PLEKHA5: variants seen among roughly 807,000 people sequenced by gnomAD.
The protein encoded by PLEKHA5 is pleckstrin homology domain containing A5.
Under a neutral mutation model 181.9 loss-of-function variants are expected in PLEKHA5, and 55 were observed. The observed-to-expected ratio is 0.30, with a 90% CI of 0.24 to 0.38. PLEKHA5 has a LOEUF of 0.38. PLEKHA5 is among the 10% of genes least tolerant of loss of function. The pLI is 1.00. For synonymous variants in PLEKHA5, 535 were observed against 529.4 expected (o/e 1.01, Z -0.15); for missense variants, 1,432 against 1,549.5 (o/e 0.92, Z 1.27).
Position 19,358,348 on chromosome 12 carries a change from A to G in PLEKHA5, c.3259A>G (p.Lys1087Glu). 1 of 1,613,666 alleles carries G rather than the reference A, an allele frequency of 6.2e-7. No homozygotes were observed. Among genetic ancestry groups the G allele is most frequent in the Non-Finnish European group, 8.5e-7 (1 of 1,179,608 alleles). Residue 1087 changes from lysine to glutamate, a missense_variant, in exon 27 of 32, where the codon AAA (lysine) becomes GAA (glutamate). Lys to Glu is a moderately conservative substitution (Grantham distance 56). Transcript: ENST00000429027. The stretch of plus-strand genomic sequence containing the variant: ...TCAACAAGCGTGCCTGAGGGAGAAG[A>G]AAAAAGGGTTAAATGTTATCGGTGC... ...RHQQACLREK[K>E]KGLNVIGASD... is the part of the protein sequence containing the mutation.
At chr12:19,275,319 C>G (rs1300176808) in intron 11 of PLEKHA5, among the ~76,000 whole-genome samples, 1 of 152,066 alleles carries the variant, frequency 6.6e-6, no homozygotes, top group Non-Finnish European at 1.5e-5. Flanking sequence ...GCCATTATCA[C>G]CTCTTCTCTG....
chr12:19,331,084 A>C (rs2092787177), intron 20 of PLEKHA5, among the ~76,000 whole-genome samples: 1 of 152,230 alleles, frequency 6.6e-6, no homozygotes, highest in Non-Finnish European at 1.5e-5. Flanking sequence ...ATTGAGAAGC[A>C]AACCAGAAGT....
intron 3 of PLEKHA5, among the ~76,000 whole-genome samples, chr12:19,165,550 GT>G (rs1186830306): frequency 6.6e-6 from 1 of 151,888 alleles, no homozygotes; most frequent in Admixed American, 6.6e-5. Flanking sequence ...TTTTTAGAGA[GT>G]GTTTATTTAA....
chr12:19,332,584 G>A (rs2092954989), intron 20 of PLEKHA5, among the ~76,000 whole-genome samples: 1 of 152,080 alleles, frequency 6.6e-6, no homozygotes, highest in African/African-American at 2.4e-5. Flanking sequence ...CCAACTCTTA[G>A]CCTCAAGTGA....
At chr12:19,230,620 CTG>C (rs1332041028) in intron 3 of PLEKHA5, among the ~76,000 whole-genome samples, 1 of 152,220 alleles carries the variant, frequency 6.6e-6, no homozygotes, top group Non-Finnish European at 1.5e-5. Context: ...CCCTCACTGC[CTG>C]GGGCCAGCAA....
At chr12:19,294,677 T>C (rs12813008) in intron 15 of PLEKHA5, among the ~76,000 whole-genome samples, 8,048 of 152,240 alleles carry the variant, frequency 0.053, 296 homozygotes, top group Middle Eastern at 0.12. Flanking sequence ...CTGTCAGTAT[T>C]CACAAAACAC....
intron 3 of PLEKHA5, among the ~76,000 whole-genome samples, chr12:19,229,283 G>C (rs2060109130): frequency 6.6e-6 from 1 of 152,172 alleles, no homozygotes; most frequent in Admixed American, 6.5e-5. Context: ...GGAATTGGTG[G>C]GTTCTTGGTG....
intron 29 of PLEKHA5, among the ~76,000 whole-genome samples, chr12:19,364,262 G>A (rs10770480): frequency 6.6e-6 from 1 of 152,088 alleles, no homozygotes; most frequent in African/African-American, 2.4e-5. Flanking sequence ...AATCCCAGCA[G>A]TTTGGGAGGC....
intron 3 of PLEKHA5, among the ~76,000 whole-genome samples, chr12:19,140,464 A>T (rs1481456562): frequency 6.6e-6 from 1 of 152,186 alleles, no homozygotes; most frequent in African/African-American, 2.4e-5. Context: ...CATCTTGGCC[A>T]CTAAGGAGTG....
Position 19,346,974 on chromosome 12 carries a change from G to A in PLEKHA5, c.2710-20G>A. Reference sequence around the variant, plus strand: ...TTCAATCTGCTTATCTAAATAAGGTGACTGTTCTACAATCTTTAGGAAGAG... The same window carrying A: ...TTCAATCTGCTTATCTAAATAAGGTAACTGTTCTACAATCTTTAGGAAGAG... On this transcript the variant is annotated intron_variant, in intron 23 of 31. Transcript: ENST00000429027. The A allele has an allele frequency of 2.0e-6, 3 of 1,501,522 alleles. No homozygotes were observed. The highest frequency in any genetic ancestry group is 2.7e-6 in the Non-Finnish European group (3 of 1,109,666). 93.0% of individuals were successfully genotyped at this position (1,501,522 alleles called of 1,614,324 possible). A position where few individuals can be genotyped will look rare whatever the true frequency, so the allele number is the denominator to read the frequency against.
intron 28 of PLEKHA5, 117 bp from the exon 29 acceptor site, chr12:19,361,465 G>A (rs1435704727): frequency 1.6e-6 from 1 of 618,818 alleles, no homozygotes; most frequent in African/African-American, 1.9e-5. Flanking sequence ...TTACAGGCGT[G>A]AGCCATCACG....
At chr12:19,239,686 C>T (rs2062100613) in intron 3 of PLEKHA5, among the ~76,000 whole-genome samples, 1 of 152,144 alleles carries the variant, frequency 6.6e-6, no homozygotes. Flanking sequence ...TATTGTTAGT[C>T]AAAGCCTAGA....
intron 15 of PLEKHA5, chr12:19,306,339 C>G (rs967342486): frequency 1.6e-5 from 7 of 425,790 alleles, no homozygotes; most frequent in African/African-American, 1.4e-4. Context: ...TGGGGGTGGC[C>G]GTTTGTTTTC....
chr12:19,179,974 A>G (rs1348755140), intron 3 of PLEKHA5, among the ~76,000 whole-genome samples: 1 of 152,212 alleles, frequency 6.6e-6, no homozygotes, highest in African/African-American at 2.4e-5. Flanking sequence ...ATCTAGGACT[A>G]CAGGCATGTG....
At chr12:19,147,952 A>T (rs1346791369) in intron 3 of PLEKHA5, among the ~76,000 whole-genome samples, 1 of 152,060 alleles carries the variant, frequency 6.6e-6, no homozygotes, top group Non-Finnish European at 1.5e-5. Context: ...GCCCAGGTTG[A>T]TCTCGAACTC....
intron 20 of PLEKHA5, among the ~76,000 whole-genome samples, chr12:19,333,767 C>T (rs2093089580): frequency 6.6e-6 from 1 of 151,832 alleles, no homozygotes; most frequent in Admixed American, 6.6e-5. Flanking sequence ...CACCACCAAG[C>T]CCAGATAATT....
intron 26 of PLEKHA5, among the ~76,000 whole-genome samples, chr12:19,357,142 TCTC>T (rs948829616): frequency 2.0e-5 from 3 of 152,178 alleles, no homozygotes; most frequent in African/African-American, 7.2e-5. Flanking sequence ...CCCCTGCTTT[TCTC>T]CTCATTTGAG....
intron 3 of PLEKHA5, among the ~76,000 whole-genome samples, chr12:19,162,745 T>C (rs1207212587): frequency 1.3e-5 from 2 of 152,200 alleles, no homozygotes; most frequent in Non-Finnish European, 2.9e-5. Context: ...GCTCATAGGC[T>C]CTGGCAGCTA....
At chr12:19,359,296 C>G (rs2095106560) in intron 27 of PLEKHA5, 116 bp from the exon 28 acceptor site, 1 of 834,572 alleles carries the variant, frequency 1.2e-6, no homozygotes, top group African/African-American at 1.7e-5. Context: ...CATAGGAAAA[C>G]TTCTTCATGA....
Sources: gnomAD v4.1 joint callset for allele counts (sites outside exome capture counted in the v4.1 genomes callset) on GRCh38, gnomAD v4.1.1 for gene constraint, MANE v1.5 for transcripts, NCBI Gene and HGNC (gene_info 2026-07-23, HGNC 2026-07-21) for gene names.